The following MPP7 variants were observed in gnomAD, a reference collection of about 807,000 sequenced individuals.
MPP7 encodes MAGUK p55 subfamily member 7.
A neutral mutation model predicts 76.5 loss-of-function variants in MPP7; 60 were observed. The ratio of observed to expected loss-of-function variants is 0.78; its 90% CI spans 0.64 to 0.97. The LOEUF (loss-of-function observed/expected upper bound fraction) is 0.97, where lower values mean the gene tolerates loss of function less well. Among genes scored for constraint, MPP7 ranks in the 50% least tolerant of loss-of-function variants. MPP7 has a pLI of 0.00. For synonymous variants in MPP7, 237 were observed against 244.5 expected (o/e 0.97, Z 0.29); for missense variants, 641 against 694.0 (o/e 0.92, Z 0.86).
intron 13 of MPP7, among the ~76,000 whole-genome samples, chr10:28,067,261 G>C (rs950087350): frequency 2.0e-5 from 3 of 152,146 alleles, no homozygotes; most frequent in African/African-American, 7.2e-5. Flanking sequence ...AACAATACTG[G>C]TGGTATAAGC....
chr10:28,172,359 C>T (rs1836712229), intron 3 of MPP7, among the ~76,000 whole-genome samples: 2 of 152,220 alleles, frequency 1.3e-5, no homozygotes, highest in South Asian at 4.1e-4. Flanking sequence ...TCAATCCTCT[C>T]CCACTGCTGA....
At chr10:28,281,938 A>C (rs920136532) in intron 1 of MPP7, 1 of 152,134 alleles carries the variant, frequency 6.6e-6, no homozygotes, top group African/African-American at 2.4e-5. Flanking sequence ...AGCAAGGAAG[A>C]CAGCTGTGGA....
intron 11 of MPP7, 131 bp from the exon 12 acceptor site, chr10:28,089,972 T>TTAGG: frequency 3.4e-6 from 2 of 590,030 alleles, no homozygotes; most frequent in Non-Finnish European, 5.8e-6. Context: ...AAAACCCTAA[T>TTAGG]GTTTTAGAGA....
chr10:28,096,185 CT>C (rs1853562783), intron 11 of MPP7, among the ~76,000 whole-genome samples: 1 of 152,198 alleles, frequency 6.6e-6, no homozygotes, highest in Non-Finnish European at 1.5e-5. Context: ...TCCCATGTCA[CT>C]GATGACTTCA....
chr10:28,235,404 G>T (rs1588963120), intron 2 of MPP7, among the ~76,000 whole-genome samples: 1 of 152,088 alleles, frequency 6.6e-6, no homozygotes, highest in African/African-American at 2.4e-5. Flanking sequence ...TTCTAAAATT[G>T]CTCTAAAAAT....
chr10:28,267,332 T>C (rs935484751), intron 1 of MPP7, among the ~76,000 whole-genome samples: 1 of 152,268 alleles, frequency 6.6e-6, no homozygotes, highest in African/African-American at 2.4e-5. Flanking sequence ...AGGCAATTGC[T>C]GCCTTTAGAT....
intron 3 of MPP7, among the ~76,000 whole-genome samples, chr10:28,193,478 C>T (rs1293329022): frequency 1.3e-5 from 2 of 151,992 alleles, no homozygotes; most frequent in South Asian, 2.1e-4. Context: ...CCCAAAGTGC[C>T]GGGATTACAG....
chr10:28,296,793 G>C (rs749573979), intron 1 of MPP7, among the ~76,000 whole-genome samples: 2 of 152,134 alleles, frequency 1.3e-5, no homozygotes, highest in African/African-American at 4.8e-5. Flanking sequence ...GGGTTTTTTT[G>C]TTTTTGTTTT....
At chr10:28,231,460 T>G (rs1231120750) in intron 2 of MPP7, among the ~76,000 whole-genome samples, 1 of 151,234 alleles carries the variant, frequency 6.6e-6, no homozygotes, top group Admixed American at 6.6e-5. Flanking sequence ...ATAAGTTTTA[T>G]ATCTAAAAAG....
intron 16 of MPP7, among the ~76,000 whole-genome samples, chr10:28,055,042 T>G (rs1046323272): frequency 1.3e-5 from 2 of 152,188 alleles, no homozygotes; most frequent in African/African-American, 4.8e-5. Context: ...CTCACATTTT[T>G]AAAGCCAGGA....
intron 2 of MPP7, among the ~76,000 whole-genome samples, chr10:28,226,535 C>G (rs1017680511): frequency 6.6e-6 from 1 of 152,302 alleles, no homozygotes; most frequent in Admixed American, 6.5e-5. Flanking sequence ...AGTGACCCAC[C>G]ACACCCGGCC....
chr10:28,313,963 C>T (rs746149415), intron 2 of MPP7, among the ~76,000 whole-genome samples: 3 of 148,670 alleles, frequency 2.0e-5, no homozygotes, highest in Non-Finnish European at 4.4e-5. Context: ...GCCTTGGCCT[C>T]CCAAAATGCT....
chr10:28,241,724 A>C (rs1839275711), intron 1 of MPP7, among the ~76,000 whole-genome samples: 1 of 152,196 alleles, frequency 6.6e-6, no homozygotes, highest in Non-Finnish European at 1.5e-5. Context: ...AAGACCCGAA[A>C]GCCAGGAACA....
intron 3 of MPP7, among the ~76,000 whole-genome samples, chr10:28,173,089 C>T (rs182904658): frequency 2.4e-4 from 37 of 151,998 alleles, no homozygotes; most frequent in African/African-American, 3.9e-4. Context: ...GGAGGAACAA[C>T]AGTGGCAAAA....
Position 28,070,766 on chromosome 10 carries a change from T to C in MPP7, c.1124-914A>G, listed in dbSNP as rs117847202. On this transcript the variant is annotated intron_variant, in intron 12 of 16. Coordinates refer to ENST00000683449, the MANE Select transcript of MPP7 (RefSeq NM_001318170.2). ...TCTGCGGACAACAAAAGATGACAAATTGACTCTGATCTTAAAGGAAGTCAC... is the reference window on the plus strand; with the variant it reads ...TCTGCGGACAACAAAAGATGACAAACTGACTCTGATCTTAAAGGAAGTCAC... Among the ~76,000 whole-genome samples the C allele has an allele frequency of 6.3e-3, 959 of 152,280 alleles. 7 individuals carry two copies. The highest frequency in any genetic ancestry group is 8.1e-3 in the Non-Finnish European group (551 of 68,024).
chr10:28,235,644 C>T (rs1839048238), intron 2 of MPP7, among the ~76,000 whole-genome samples: 1 of 152,054 alleles, frequency 6.6e-6, no homozygotes, highest in African/African-American at 2.4e-5. Context: ...ATTACAATTT[C>T]AAATGTGTAA....
chr10:28,150,790 T>C (rs1312687642), intron 3 of MPP7, among the ~76,000 whole-genome samples: 1 of 152,116 alleles, frequency 6.6e-6, no homozygotes, highest in Non-Finnish European at 1.5e-5. Flanking sequence ...TTCCCATTAT[T>C]GTGACCCAAG....
At chr10:28,262,219 A>ATATG (rs1839990105) in intron 1 of MPP7, among the ~76,000 whole-genome samples, 1 of 59,056 alleles carries the variant, frequency 1.7e-5, no homozygotes, top group Non-Finnish European at 2.8e-5. Context: ...ATATATATAT[A>ATATG]TATATACATA....
intron 2 of MPP7, among the ~76,000 whole-genome samples, chr10:28,323,436 G>C (rs922470024): frequency 6.7e-6 from 1 of 149,954 alleles, no homozygotes; most frequent in Non-Finnish European, 1.5e-5. Context: ...CTAGGCAGCA[G>C]AGTGAGACTC....
Sources: allele counts gnomAD v4.1 joint callset (sites outside exome capture counted in the v4.1 genomes callset), GRCh38; gene constraint gnomAD v4.1.1; transcripts MANE v1.5; gene names NCBI Gene and HGNC (gene_info 2026-07-23, HGNC 2026-07-21).